Variants in QSER1 observed in about 807,000 individuals in gnomAD.
The protein encoded by QSER1 is glutamine and serine-rich protein 1.
In QSER1, 49 loss-of-function variants were observed where a neutral mutation model predicts 158.5. That is an observed-to-expected ratio of 0.31 (90% CI 0.25 to 0.39). The LOEUF (loss-of-function observed/expected upper bound fraction) is 0.39, where lower values mean the gene tolerates loss of function less well. Ranked by LOEUF, QSER1 falls within the 10% of genes least tolerant of loss-of-function variation. QSER1 has a pLI of 1.00. For missense variants in QSER1, 1,754 were observed against 2,010.3 expected (o/e 0.87, Z 2.44); for synonymous variants, 650 against 715.5 (o/e 0.91, Z 1.46).
intron 8 of QSER1, among the ~76,000 whole-genome samples, chr11:32,960,732 G>T (rs1852608749): frequency 1.3e-5 from 2 of 152,154 alleles, no homozygotes; most frequent in African/African-American, 4.8e-5. Flanking sequence ...AAATGACAAG[G>T]TAACATTTTC....
chr11:32,934,027 G>A lies in QSER1; in HGVS notation c.2769G>A (p.Met923Ile), dbSNP rs767999167. The A allele has an allele frequency of 6.8e-6, 11 of 1,613,626 alleles. No homozygotes were observed. The highest frequency in any genetic ancestry group is 9.3e-6 in the Non-Finnish European group (11 of 1,179,872). ...QQLHPQNSEV[M>I]KMDLSESSKP... ...TCCATCCTCAAAATTCTGAAGTTAT[G>A]AAAATGGACCTCTCTGAGTCTTCAA... The change falls in exon 4 of 13, where the codon ATG (methionine) becomes ATA (isoleucine). Residue 923 changes from methionine (M) to isoleucine (I), a missense_variant. This residue lies in a region of QSER1 where 1,707 missense variants were observed against 1,919.6 expected (regional missense o/e 0.89). Coordinates refer to ENST00000650167, the MANE Select transcript of QSER1 (RefSeq NM_001076786.3).
In QSER1 at chr11:32,975,248, G is replaced by T; in HGVS notation, c.5359G>T (p.Glu1787Ter). ...TCTATAAACTTTTTTCTTTTTATAG[G>T]AGTTTGCTGTCGATCCAGAGAAAAT... ...TSKTTTKSAQ[E>*]FAVDPEKIQL... Residue 1787 changes from glutamate to a stop codon, truncating the protein, a stop_gained and splice_region_variant, in exon 12 of 13, where the codon GAG (glutamate) becomes TAG (stop). Transcript: ENST00000650167. LOFTEE classifies it high-confidence loss of function. The T allele has an allele frequency of 6.5e-7, 1 of 1,543,102 alleles. No individual in the cohort carries two copies. The highest frequency in any genetic ancestry group is 8.7e-7 in the Non-Finnish European group (1 of 1,146,372).
chr11:32,902,149 A>G (rs1851633944), intron 1 of QSER1, among the ~76,000 whole-genome samples: 1 of 152,230 alleles, frequency 6.6e-6, no homozygotes, highest in East Asian at 1.9e-4. Flanking sequence ...TGGGTGAAGG[A>G]GTCGGGCAGG....
At chr11:32,909,017 G>A (rs1851730186) in intron 1 of QSER1, among the ~76,000 whole-genome samples, 1 of 152,114 alleles carries the variant, frequency 6.6e-6, no homozygotes, top group Non-Finnish European at 1.5e-5. Flanking sequence ...AAAATTAGCT[G>A]GGCGTGGTGG....
rs533283881 is a variant in QSER1, at chr11:32,893,160, A to AGCCGCC, written c.51_56dup (p.Pro18_Pro19dup). The AGCCGCC allele has an allele frequency of 7.2e-3, 844 of 117,740 alleles. 1 individual carries two copies. Among genetic ancestry groups the AGCCGCC allele is most frequent in the Non-Finnish European group, 0.012 (674 of 57,218 alleles). The allele number at this position is 117,740 out of a possible 1,614,324, so 7.3% of individuals were successfully genotyped here. On this transcript the variant is annotated inframe_insertion, in exon 1 of 13. Coordinates refer to ENST00000650167, the MANE Select transcript of QSER1 (RefSeq NM_001076786.3). The surrounding 1 kb of genome is among the most constrained non-coding windows in gnomAD (Gnocchi z 4.7). ...AACTACGCGACCTCGGGCTTCACCG[A>AGCCGCC]GCCGCCGCCGCCGCCGCCGCCCGCG...
chr11:32,953,479 G>A (rs1445482003), intron 4 of QSER1, among the ~76,000 whole-genome samples: 1 of 151,874 alleles, frequency 6.6e-6, no homozygotes, highest in Non-Finnish European at 1.5e-5. Context: ...TCATCCTCCT[G>A]ATTAGCTGAG....
At chr11:32,957,785 C>T in intron 7 of QSER1, 84 bp from the exon 8 acceptor site, 3 of 1,095,370 alleles carry the variant, frequency 2.7e-6, no homozygotes, top group Admixed American at 2.4e-5. Flanking sequence ...ATAATCTTCT[C>T]CTGTGATTCT....
intron 1 of QSER1, among the ~76,000 whole-genome samples, chr11:32,916,850 GATCT>G: frequency 6.6e-6 from 1 of 151,260 alleles, no homozygotes; most frequent in East Asian, 1.9e-4. Context: ...GCAGTGGCGT[GATCT>G]CAGCTCACTG....
intron 4 of QSER1, among the ~76,000 whole-genome samples, chr11:32,940,689 A>G (rs541741065): frequency 1.0e-3 from 155 of 152,242 alleles, no homozygotes; most frequent in African/African-American, 3.6e-3. Context: ...TTCTAGGAAA[A>G]TCATTCATTT....
rs960707736 is a variant in QSER1, at chr11:32,933,095, T to G, written c.1837T>G (p.Leu613Val). 1.9e-6 allele frequency: 3 copies of G among 1,613,844 alleles called. No homozygotes were observed. Among genetic ancestry groups the G allele is most frequent in the Admixed American group, 1.7e-5 (1 of 59,962 alleles). Reference sequence around the variant, plus strand: ...TTCTTCTGCCTCTCGGGCTCAGAATTTGCCAGACTCTAGCCCGACCCAGAA... The same window carrying G: ...TTCTTCTGCCTCTCGGGCTCAGAATGTGCCAGACTCTAGCCCGACCCAGAA... ...SYSSASRAQNLPDSSPTQNYI... is the reference protein window; with the variant it reads ...SYSSASRAQNVPDSSPTQNYI... Residue 613 changes from leucine to valine, a missense_variant, in exon 4 of 13, where the codon TTG becomes GTG. By Grantham distance (32) the Leu-to-Val change is conservative (BLOSUM62 1). Transcript: ENST00000650167.
In QSER1 at chr11:32,965,284, A is replaced by AT. The variant is rs1293636754; in HGVS notation, c.4970-1015dup. ...ATGCCACCACACACGTGGCTAATTT[A>AT]TATTTTTTTTAATTGAAACGATGTC... On this transcript the variant is annotated intron_variant, in intron 8 of 12. Coordinates refer to ENST00000650167, the MANE Select transcript of QSER1 (RefSeq NM_001076786.3). 1.2e-4 allele frequency among the ~76,000 whole-genome samples: 18 copies of AT among 151,388 alleles called. 1 individual carries two copies. The South Asian group carries it at 1.9e-3, about 16-fold the overall frequency.
rs759828452 is a variant in QSER1 at position 32,933,816 on chromosome 11, A to G, written c.2558A>G (p.Gln853Arg). ...HGHQASLPNTQVLLDSACDLQ... is the reference protein window; with the variant it reads ...HGHQASLPNTRVLLDSACDLQ... ...CATCAGGCATCTCTTCCTAATACAC[A>G]GGTCCTTTTAGATTCTGCCTGTGAT... Residue 853 changes from glutamine (Q) to arginine (R), a missense_variant, in exon 4 of 13, where the codon CAG becomes CGG. Gln to Arg is a conservative substitution (Grantham distance 43, BLOSUM62 1). Around this residue, in one of 2 missense-constraint regions of QSER1, gnomAD observed 1,707 missense variants for 1,919.6 expected, o/e 0.89. Transcript: ENST00000650167. 1.5e-5 allele frequency: 25 copies of G among 1,613,610 alleles called. No homozygotes were observed. Among genetic ancestry groups the G allele is most frequent in the South Asian group, 2.2e-5 (2 of 90,980 alleles).
chr11:32,934,615 C>G lies in QSER1; in HGVS notation c.3357C>G (p.Asp1119Glu). 6.2e-7 allele frequency: 1 copy of G among 1,613,684 alleles called. No homozygotes were observed. Among genetic ancestry groups the G allele is most frequent in the Non-Finnish European group, 8.5e-7 (1 of 1,179,964 alleles). ...CTACCAATCTTGAATCTGAAGAAGA[C>G]AGTGAAGCTCCTGTTGATAGTACAT... Reference protein sequence around the residue: ...QSATNLESEEDSEAPVDSTLN... With the variant: ...QSATNLESEEESEAPVDSTLN... The change falls in exon 4 of 13, where the codon GAC becomes GAG. Residue 1119 changes from aspartate to glutamate, a missense_variant. Asp to Glu is a conservative substitution (Grantham distance 45, BLOSUM62 2). Transcript: ENST00000650167.
intron 1 of QSER1, among the ~76,000 whole-genome samples, chr11:32,900,975 C>T (rs926534732): frequency 6.6e-6 from 1 of 152,200 alleles, no homozygotes; most frequent in East Asian, 1.9e-4. Flanking sequence ...CCCGATACCA[C>T]TAACCATCAC....
intron 1 of QSER1, among the ~76,000 whole-genome samples, chr11:32,921,853 T>C (rs530221227): frequency 6.6e-6 from 1 of 152,336 alleles, no homozygotes; most frequent in East Asian, 1.9e-4. Flanking sequence ...GAAGACACTA[T>C]AAACACAGTT....
chr11:32,976,671 CCCA>C lies in QSER1; in HGVS notation c.*202_*204del. ...TAGTCCTCTGGAAATGGACCTAAAT[CCCA>C]CCACATTTTTACCCTAATGAATGAT... On this transcript the variant is annotated 3_prime_UTR_variant, in exon 13 of 13. Transcript: ENST00000650167. 1 of 527,406 alleles carries C rather than the reference CCCA, an allele frequency of 1.9e-6. No homozygotes were observed. Among genetic ancestry groups the C allele is most frequent in the Non-Finnish European group, 3.3e-6 (1 of 299,942 alleles). 32.7% of individuals were successfully genotyped at this position (527,406 alleles called of 1,614,324 possible). A position where few individuals can be genotyped will look rare whatever the true frequency, so the allele number is the denominator to read the frequency against.
rs184057749 is a variant in QSER1 at position 32,923,787 on chromosome 11, G to T, written c.210-3370G>T. On this transcript the variant is annotated intron_variant, in intron 1 of 12. Coordinates refer to ENST00000650167, the MANE Select transcript of QSER1 (RefSeq NM_001076786.3). ...GATCAAGACCATCCCGGCCAACATG[G>T]TGAAACCCCATCTCTACTAAAATAT... Among the ~76,000 whole-genome samples, 39 of 152,130 alleles carry T rather than the reference G, an allele frequency of 2.6e-4. No homozygotes were observed. The East Asian group carries it at 7.4e-3, about 29-fold the overall frequency.
chr11:32,933,625 A>T lies in QSER1; in HGVS notation c.2367A>T (p.Ser789=), dbSNP rs1852089511. The change falls in exon 4 of 13, where the codon TCA becomes TCT. Residue 789 remains serine, a synonymous_variant. Transcript: ENST00000650167. ...NNAATLDLKN[S]TNLIQTPQIR... ...CAGCTACCCTTGATCTTAAGAACTC[A>T]ACTAATTTAATACAGACTCCACAAA... The T allele has an allele frequency of 4.3e-6, 7 of 1,613,798 alleles. No homozygotes were observed. The highest frequency in any genetic ancestry group is 4.2e-6 in the Non-Finnish European group (5 of 1,179,956).
intron 1 of QSER1, among the ~76,000 whole-genome samples, chr11:32,926,544 A>G (rs926601487): frequency 6.6e-6 from 1 of 152,152 alleles, no homozygotes; most frequent in Admixed American, 6.5e-5. Flanking sequence ...TGTATTTTTG[A>G]TTTCTTTCTA....
Sources: gnomAD v4.1 joint callset for allele counts (sites outside exome capture counted in the v4.1 genomes callset) on GRCh38, gnomAD v4.1.1 for gene constraint, gnomAD v4.1.1 regional missense constraint, Gnocchi (gnomAD v3.1) non-coding constraint, MANE v1.5 for transcripts, NCBI Gene and HGNC (gene_info 2026-07-23, HGNC 2026-07-21) for gene names.